ZMAT4: variants seen among roughly 807,000 people sequenced by gnomAD.
The protein encoded by ZMAT4 is zinc finger matrin-type 4, also known as zinc finger matrin-type protein 4.
Under a neutral mutation model 28.7 loss-of-function variants are expected in ZMAT4, and 17 were observed. The observed-to-expected ratio is 0.59, with a 90% CI of 0.41 to 0.89. The LOEUF (loss-of-function observed/expected upper bound fraction) is 0.89, where lower values mean the gene tolerates loss of function less well. Ranked by LOEUF, ZMAT4 falls within the 40% of genes least tolerant of loss-of-function variation. The pLI is 0.00. For missense variants in ZMAT4, 240 were observed against 283.8 expected (o/e 0.85, Z 1.11); for synonymous variants, 117 against 109.2 (o/e 1.07, Z -0.44).
At chr8:40,582,448 G>A (rs1804520973) in intron 5 of ZMAT4, among the ~76,000 whole-genome samples, 1 of 152,010 alleles carries the variant, frequency 6.6e-6, no homozygotes, top group Non-Finnish European at 1.5e-5. Context: ...GCTACTGCCT[G>A]CCTGGATGAC....
chr8:40,838,039 GC>G (rs1362366219), intron 1 of ZMAT4, among the ~76,000 whole-genome samples: 1 of 152,222 alleles, frequency 6.6e-6, no homozygotes, highest in Non-Finnish European at 1.5e-5. Flanking sequence ...ATGATCAAGT[GC>G]CACACATCGA....
At chr8:40,848,288 T>A (rs903064543) in intron 1 of ZMAT4, among the ~76,000 whole-genome samples, 6 of 152,230 alleles carry the variant, frequency 3.9e-5, no homozygotes, top group African/African-American at 7.2e-5. Flanking sequence ...CTGCCCTCGA[T>A]GTGGAAGTCA....
chr8:40,538,863 G>T (rs1802932928), intron 6 of ZMAT4, among the ~76,000 whole-genome samples: 1 of 151,918 alleles, frequency 6.6e-6, no homozygotes, highest in African/African-American at 2.4e-5. Context: ...TCAGCTCACT[G>T]CAACCTCTGC....
intron 1 of ZMAT4, among the ~76,000 whole-genome samples, chr8:40,855,838 G>A (rs988533428): frequency 1.3e-4 from 19 of 151,922 alleles, no homozygotes; most frequent in African/African-American, 3.9e-4. Context: ...ACCATCCCTA[G>A]CTACTTTTTA....
At chr8:40,731,160 G>A (rs1811521188) in intron 3 of ZMAT4, among the ~76,000 whole-genome samples, 1 of 152,142 alleles carries the variant, frequency 6.6e-6, no homozygotes, top group African/African-American at 2.4e-5. Context: ...TTTGTTGCAA[G>A]CCCCACTTCC....
chr8:40,573,319 G>T (rs1029044365), intron 6 of ZMAT4, among the ~76,000 whole-genome samples: 1 of 152,138 alleles, frequency 6.6e-6, no homozygotes, highest in African/African-American at 2.4e-5. Flanking sequence ...GTGAAATCAA[G>T]GTGTCAGCTT....
intron 1 of ZMAT4, among the ~76,000 whole-genome samples, chr8:40,843,447 G>A (rs1361506937): frequency 6.6e-6 from 1 of 152,150 alleles, no homozygotes; most frequent in Non-Finnish European, 1.5e-5. Context: ...GTCAGAACTG[G>A]AATGGAGCTG....
intron 1 of ZMAT4, among the ~76,000 whole-genome samples, chr8:40,888,091 A>G (rs1243392894): frequency 1.3e-5 from 2 of 151,808 alleles, no homozygotes; most frequent in Non-Finnish European, 2.9e-5. Flanking sequence ...CCTACACTCT[A>G]CCTCAGCTGA....
intron 6 of ZMAT4, among the ~76,000 whole-genome samples, chr8:40,557,420 T>C (rs911017883): frequency 2.0e-5 from 3 of 152,154 alleles, no homozygotes; most frequent in African/African-American, 7.2e-5. Flanking sequence ...ATTCCAGGGT[T>C]TTTTCTAGTA....
chr8:40,683,274 G>A (rs1003142636), intron 4 of ZMAT4, among the ~76,000 whole-genome samples: 7 of 152,222 alleles, frequency 4.6e-5, no homozygotes, highest in Admixed American at 2.0e-4. Flanking sequence ...CTGTCCAGAC[G>A]GATCTGAAAA....
At chr8:40,872,945 C>T (rs1355324757) in intron 1 of ZMAT4, among the ~76,000 whole-genome samples, 1 of 152,144 alleles carries the variant, frequency 6.6e-6, no homozygotes, top group Non-Finnish European at 1.5e-5. Flanking sequence ...CAGCTCAACC[C>T]TCTGTGGACC....
intron 2 of ZMAT4, among the ~76,000 whole-genome samples, chr8:40,809,683 A>G (rs1328865289): frequency 2.0e-5 from 3 of 152,208 alleles, no homozygotes; most frequent in Non-Finnish European, 2.9e-5. Flanking sequence ...ATTTTAATAT[A>G]GAAATTGGTT....
At chr8:40,685,696 G>C (rs904445155) in intron 4 of ZMAT4, among the ~76,000 whole-genome samples, 20 of 152,070 alleles carry the variant, frequency 1.3e-4, no homozygotes, top group African/African-American at 4.6e-4. Flanking sequence ...CACCCACCAA[G>C]ACCATTCAAA....
At chr8:40,777,960 T>C (rs752708737) in intron 2 of ZMAT4, among the ~76,000 whole-genome samples, 3 of 152,252 alleles carry the variant, frequency 2.0e-5, no homozygotes, top group Admixed American at 6.5e-5. Flanking sequence ...TCTGAGTGAA[T>C]CTTCCATTTC....
At chr8:40,804,101 G>T (rs1814973573) in intron 2 of ZMAT4, among the ~76,000 whole-genome samples, 1 of 152,164 alleles carries the variant, frequency 6.6e-6, no homozygotes, top group South Asian at 2.1e-4. Flanking sequence ...TGAACAGACA[G>T]AACACAATGG....
chr8:40,592,100 G>T (rs1414673063), intron 5 of ZMAT4, among the ~76,000 whole-genome samples: 2 of 152,148 alleles, frequency 1.3e-5, no homozygotes, highest in Non-Finnish European at 2.9e-5. Flanking sequence ...TAGTTGAAAT[G>T]GGGGGTAGGG....
intron 5 of ZMAT4, among the ~76,000 whole-genome samples, chr8:40,585,212 G>C (rs1156984197): frequency 6.6e-6 from 1 of 152,150 alleles, no homozygotes; most frequent in Non-Finnish European, 1.5e-5. Flanking sequence ...ATTTAATTAT[G>C]AGAAAAGAAC....
chr8:40,855,969 G>A (rs976036754), intron 1 of ZMAT4, among the ~76,000 whole-genome samples: 1 of 151,996 alleles, frequency 6.6e-6, no homozygotes, highest in South Asian at 2.1e-4. Flanking sequence ...GGGATTACCG[G>A]CATGAGCAAC....
chr8:40,599,880 T>C (rs1195216836), intron 5 of ZMAT4, among the ~76,000 whole-genome samples: 1 of 152,186 alleles, frequency 6.6e-6, no homozygotes, highest in African/African-American at 2.4e-5. Context: ...TTATCTTTCC[T>C]TACCACGCAC....
Sources: gnomAD v4.1 joint callset for allele counts (sites outside exome capture counted in the v4.1 genomes callset) on GRCh38, gnomAD v4.1.1 for gene constraint, MANE v1.5 for transcripts, NCBI Gene and HGNC (gene_info 2026-07-23, HGNC 2026-07-21) for gene names.